The following KDM2A variants were observed in gnomAD, a reference collection of about 807,000 sequenced individuals.
KDM2A encodes the protein lysine demethylase 2A.
In KDM2A, 3 loss-of-function variants were observed where a neutral mutation model predicts 137.3. The ratio of observed to expected loss-of-function variants is 0.02; its 90% CI spans 0.01 to 0.06. The LOEUF is 0.06. KDM2A is among the 10% of genes least tolerant of loss of function. The pLI is 1.00. For synonymous variants in KDM2A, 512 were observed against 541.5 expected (o/e 0.95, Z 0.76); for missense variants, 738 against 1,510.6 (o/e 0.49, Z 8.48).
At position 67,245,036 on chromosome 11, in the gene KDM2A, G is replaced by T; in HGVS notation, c.1564-153G>T. The T allele has an allele frequency of 2.8e-6, 2 of 712,514 alleles. No individual in the cohort carries two copies. The highest frequency in any genetic ancestry group is 4.7e-6 in the Non-Finnish European group (2 of 426,566). The allele number at this position is 712,514 out of a possible 1,614,324, so 44.1% of individuals were successfully genotyped here. Reference sequence around the variant, plus strand: ...TGATAATACATACACAAGATGAGTTGTGTGTCAATAAAATTTATTCTAGAA... The same window carrying T: ...TGATAATACATACACAAGATGAGTTTTGTGTCAATAAAATTTATTCTAGAA... On this transcript the variant is annotated intron_variant, in intron 13 of 20. Coordinates refer to ENST00000529006, the MANE Select transcript of KDM2A (RefSeq NM_012308.3). This position sits in a 1 kb window ranked among gnomAD's most constrained non-coding sequence, Gnocchi z 4.1.
intron 10 of KDM2A, among the ~76,000 whole-genome samples, chr11:67,223,817 G>A (rs532017583): frequency 3.0e-4 from 45 of 152,280 alleles, no homozygotes; most frequent in Non-Finnish European, 5.6e-4. Flanking sequence ...TCCAGAAAGT[G>A]TTGCTATACT....
At position 67,255,077 on chromosome 11, in the gene KDM2A, A is replaced by G. The variant is rs1297772560; in HGVS notation, c.*22A>G. Reference sequence around the variant, plus strand: ...CTAAGACACACCCAGCCCAGATTCAACAGGAAACCGATCTTCCCCTGACTC... The same window carrying G: ...CTAAGACACACCCAGCCCAGATTCAGCAGGAAACCGATCTTCCCCTGACTC... On this transcript the variant is annotated 3_prime_UTR_variant, in exon 21 of 21. Coordinates refer to ENST00000529006, the MANE Select transcript of KDM2A (RefSeq NM_012308.3). 1 of 1,595,762 alleles carries G rather than the reference A, an allele frequency of 6.3e-7. No homozygotes were observed. Among genetic ancestry groups the G allele is most frequent in the Admixed American group, 1.7e-5 (1 of 57,388 alleles).
At chr11:67,132,094 A>G (rs1480776465) in intron 2 of KDM2A, 2 of 152,152 alleles carry the variant, frequency 1.3e-5, no homozygotes, top group Non-Finnish European at 2.9e-5. Context: ...AGGAGGAGGG[A>G]AGAGGGTGGC....
chr11:67,252,486 T>C, intron 17 of KDM2A: 1 of 589,062 alleles, frequency 1.7e-6, no homozygotes. Context: ...TATCAACATG[T>C]AGGTTTGCAA....
At chr11:67,240,036 T>TGCC (rs1383846033) in intron 12 of KDM2A, 1 of 1,304,932 alleles carries the variant, frequency 7.7e-7, no homozygotes, top group Non-Finnish European at 9.7e-7. Flanking sequence ...CTCCCCCTCC[T>TGCC]GCCATCTTCC....
At chr11:67,134,731 C>A (rs755885873) in intron 2 of KDM2A, among the ~76,000 whole-genome samples, 6 of 152,218 alleles carry the variant, frequency 3.9e-5, no homozygotes, top group Admixed American at 3.3e-4. Context: ...TCTCGAACTT[C>A]TGACCTCAGG....
At chr11:67,198,344 G>A (rs1318385092) in intron 5 of KDM2A, among the ~76,000 whole-genome samples, 1 of 150,222 alleles carries the variant, frequency 6.7e-6, no homozygotes, top group African/African-American at 2.5e-5. Context: ...CAAATTGAAG[G>A]TTTCTGGCAA....
intron 2 of KDM2A, among the ~76,000 whole-genome samples, chr11:67,130,567 T>C (rs1396600170): frequency 1.3e-5 from 2 of 152,184 alleles, no homozygotes; most frequent in Non-Finnish European, 2.9e-5. Context: ...TTGGTTTTGG[T>C]TATTAAGTCA....
chr11:67,246,626 G>A (rs565273988), intron 15 of KDM2A, among the ~76,000 whole-genome samples: 1 of 152,074 alleles, frequency 6.6e-6, no homozygotes, highest in African/African-American at 2.4e-5. Flanking sequence ...CTCAGAGATT[G>A]AGTCCAGCAT....
intron 5 of KDM2A, among the ~76,000 whole-genome samples, chr11:67,182,618 C>T (rs752771419): frequency 4.6e-4 from 70 of 151,690 alleles, no homozygotes; most frequent in Non-Finnish European, 8.7e-4. Flanking sequence ...CTGCAACCTC[C>T]GCCTGCTGCA....
rs1859627997 is a variant in KDM2A at position 67,256,713 on chromosome 11, G to A, written c.*1658G>A. ...CCCTTGCCACTTCCAAAGCAATAGA[G>A]GCAGAGTGGTCCCCTCTTTGCCACC... On this transcript the variant is annotated 3_prime_UTR_variant, in exon 21 of 21. Transcript: ENST00000529006. 6.6e-6 allele frequency: 1 copy of A among 152,654 alleles called. No individual in the cohort carries two copies. Among genetic ancestry groups the A allele is most frequent in the South Asian group, 2.1e-4 (1 of 4,822 alleles). The allele number at this position is 152,654 out of a possible 1,614,324, so 9.5% of individuals were successfully genotyped here.
intron 12 of KDM2A, chr11:67,240,015 C>A: frequency 7.7e-7 from 1 of 1,293,324 alleles, no homozygotes; most frequent in Non-Finnish European, 9.8e-7. Flanking sequence ...GGCTCGCTCA[C>A]TCTCGCTCGG....
chr11:67,209,432 TTTATTA>T (rs371101361), intron 6 of KDM2A, among the ~76,000 whole-genome samples: 10 of 150,020 alleles, frequency 6.7e-5, no homozygotes, highest in Middle Eastern at 3.5e-3. Flanking sequence ...AGAATTTTAT[TTTATTA>T]TTATTATTAT....
intron 2 of KDM2A, among the ~76,000 whole-genome samples, chr11:67,161,238 C>T (rs546181802): frequency 6.6e-6 from 1 of 152,114 alleles, no homozygotes; most frequent in Non-Finnish European, 1.5e-5. Flanking sequence ...AAAAGAAAAA[C>T]AAGACTTTAG....
intron 8 of KDM2A, among the ~76,000 whole-genome samples, chr11:67,217,101 G>T (rs1276932239): frequency 6.6e-6 from 1 of 151,706 alleles, no homozygotes; most frequent in Non-Finnish European, 1.5e-5. Flanking sequence ...AATTAGCTGG[G>T]TGTGGTGGCG....
chr11:67,218,018 G>A lies in KDM2A; in HGVS notation c.841+134G>A, dbSNP rs1858224016. ...CAACAGTGTTTCTTCCTGTCATTAT[G>A]GAATAGATGCTGAGGTTTTGTTTGT... On this transcript the variant is annotated intron_variant, in intron 9 of 20. Transcript: ENST00000529006. 5.1e-6 allele frequency: 4 copies of A among 790,176 alleles called. No homozygotes were observed. In the Admixed American group the frequency reaches 1.2e-4, roughly 24 times the overall value. The allele number at this position is 790,176 out of a possible 1,614,324, so 48.9% of individuals were successfully genotyped here. A position where few individuals can be genotyped will look rare whatever the true frequency, so the allele number is the denominator to read the frequency against.
Position 67,254,152 on chromosome 11 carries a change from T to G in KDM2A, c.3092-51T>G. ...CTGTTGCTGCCTGGAGCCTTGAAGC[T>G]GGATTAGAGAATTGAGAGTTTTGAT... On this transcript the variant is annotated intron_variant, in intron 19 of 20. Transcript: ENST00000529006. The surrounding 1 kb of genome is among the most constrained non-coding windows in gnomAD (Gnocchi z 4.7). The G allele has an allele frequency of 1.3e-6, 2 of 1,535,450 alleles. No individual in the cohort carries two copies. Among genetic ancestry groups the G allele is most frequent in the Non-Finnish European group, 1.8e-6 (2 of 1,124,908 alleles).
intron 10 of KDM2A, among the ~76,000 whole-genome samples, chr11:67,220,603 G>A (rs769601507): frequency 3.9e-5 from 6 of 152,106 alleles, no homozygotes; most frequent in Non-Finnish European, 7.4e-5. Context: ...ATGATACACA[G>A]CTAATACCCT....
Position 67,181,397 on chromosome 11 carries a change from A to G in KDM2A, c.259A>G (p.Lys87Glu), listed in dbSNP as rs1257864150. 1 of 1,608,340 alleles carries G rather than the reference A, an allele frequency of 6.2e-7. No homozygotes were observed. The highest frequency in any genetic ancestry group is 8.5e-7 in the Non-Finnish European group (1 of 1,176,314). ...IFKNSDGLGI[K>E]MPDPDFTVND... ...CAAGAATTCTGATGGACTCGGAATAAAGTAAGTGTTTTCAGCCTGGCTGGA... is the reference window on the plus strand; with the variant it reads ...CAAGAATTCTGATGGACTCGGAATAGAGTAAGTGTTTTCAGCCTGGCTGGA... The change falls in exon 4 of 21, where the codon AAA becomes GAA. Residue 87 changes from lysine (K) to glutamate (E), a missense_variant and splice_region_variant. Coordinates refer to ENST00000529006, the MANE Select transcript of KDM2A (RefSeq NM_012308.3).
Sources: allele counts gnomAD v4.1 joint callset (sites outside exome capture counted in the v4.1 genomes callset), GRCh38; gene constraint gnomAD v4.1.1; non-coding constraint Gnocchi (gnomAD v3.1); transcripts MANE v1.5; gene names NCBI Gene and HGNC (gene_info 2026-07-23, HGNC 2026-07-21).